The following ANKRD30A variants were observed in gnomAD, a reference collection of about 807,000 sequenced individuals.
ANKRD30A encodes ankyrin repeat domain-containing protein 30A.
In ANKRD30A, 170 loss-of-function variants were observed where a neutral mutation model predicts 166.3. The ratio of observed to expected loss-of-function variants is 1.02; its 90% CI spans 0.90 to 1.16. ANKRD30A has a LOEUF of 1.16. ANKRD30A is among the 50% of genes most tolerant of loss of function. The pLI, the probability that ANKRD30A is intolerant of heterozygous loss-of-function variation, is 0.00. For synonymous variants in ANKRD30A, 564 were observed against 508.9 expected (o/e 1.11, Z -1.46); for missense variants, 1,630 against 1,518.0 (o/e 1.07, Z -1.23).
At position 37,219,429 on chromosome 10, in the gene ANKRD30A, G is replaced by A. The variant is rs1189011142; in HGVS notation, c.3717G>A (p.Val1239=). ...TGCAAAGAAAAATGAATGTTGATGT[G>A]AGTAGTACGATATATAACAATGAGG... ...ACLQRKMNVD[V]SSTIYNNEVL... The change falls in exon 34 of 36, where the codon GTG becomes GTA. Residue 1239 remains valine (V), a synonymous_variant. Coordinates refer to ENST00000361713, the MANE Select transcript of ANKRD30A (RefSeq NM_052997.3). 1.3e-5 allele frequency: 21 copies of A among 1,610,360 alleles called. No individual in the cohort carries two copies. The highest frequency in any genetic ancestry group is 1.7e-5 in the Non-Finnish European group (20 of 1,177,708).
intron 31 of ANKRD30A, among the ~76,000 whole-genome samples, chr10:37,213,313 C>G (rs1842434191): frequency 6.6e-6 from 1 of 151,768 alleles, no homozygotes; most frequent in South Asian, 2.1e-4. Flanking sequence ...TTCCCTGTGT[C>G]TTCACATGGC....
At chr10:37,149,495 G>A (rs533976863) in intron 9 of ANKRD30A, among the ~76,000 whole-genome samples, 156 bp from the exon 10 acceptor site, 1 of 152,120 alleles carries the variant, frequency 6.6e-6, no homozygotes, top group Non-Finnish European at 1.5e-5. Context: ...CCTGTCGTGT[G>A]TGTGTCCTAA....
chr10:37,183,320 T>A (rs1421052716), intron 24 of ANKRD30A, among the ~76,000 whole-genome samples: 1 of 145,016 alleles, frequency 6.9e-6, no homozygotes, highest in Admixed American at 7.0e-5. Flanking sequence ...ATAGGAGAAA[T>A]AGGAAAAACA....
the ANKRD30A span, among the ~76,000 whole-genome samples, chr10:37,259,878 G>A: frequency 6.6e-6 from 1 of 152,170 alleles, no homozygotes; most frequent in Admixed American, 6.5e-5. Flanking sequence ...CTATTTCCCA[G>A]TGCAGGTGTG....
intron 34 of ANKRD30A, among the ~76,000 whole-genome samples, chr10:37,220,747 A>G (rs558152037): frequency 6.6e-6 from 1 of 151,286 alleles, no homozygotes; most frequent in African/African-American, 2.4e-5. Flanking sequence ...TTAGCTTTGC[A>G]TTGGGTCCCC....
intron 1 of ANKRD30A, among the ~76,000 whole-genome samples, chr10:37,127,085 ATCACAAATTGTTCGCTAACAGCTG>A (rs1836081734): frequency 7.5e-6 from 1 of 134,156 alleles, no homozygotes; most frequent in African/African-American, 2.8e-5. Context: ...AAAAAAAAAA[ATCACAAATTGTTCGCTAACAGCTG>A]AAAAGACAGG....
chr10:37,167,298 A>ATG (rs1316482741), intron 19 of ANKRD30A, among the ~76,000 whole-genome samples: 1 of 142,576 alleles, frequency 7.0e-6, no homozygotes, highest in Non-Finnish European at 1.5e-5. Flanking sequence ...ATATATATAT[A>ATG]TATAGATGTG....
intron 9 of ANKRD30A, among the ~76,000 whole-genome samples, chr10:37,149,379 A>T (rs773494265): frequency 1.4e-4 from 22 of 152,110 alleles, no homozygotes; most frequent in Non-Finnish European, 2.5e-4. Flanking sequence ...CAGCTTTGAC[A>T]TTTATTTTCT....
At chr10:37,239,678 G>T in the ANKRD30A span, among the ~76,000 whole-genome samples, 1 of 152,066 alleles carries the variant, frequency 6.6e-6, no homozygotes, top group African/African-American at 2.4e-5. Flanking sequence ...AGTAGTAAGA[G>T]AAAAACTCAT....
In ANKRD30A at chr10:37,141,583, A is replaced by G. The variant is rs1837117714; in HGVS notation, c.821-135A>G. The G allele has an allele frequency of 3.9e-6, 5 of 1,285,696 alleles. No homozygotes were observed. The South Asian group carries it at 7.8e-5, about 20-fold the overall frequency. The allele number at this position is 1,285,696 out of a possible 1,614,324, so 79.6% of individuals were successfully genotyped here. A position where few individuals can be genotyped will look rare whatever the true frequency, so the allele number is the denominator to read the frequency against. ...GTGAGACTCTGTCTCAAAAAAAAAA[A>G]AAAAAAAAAAGAGAAAAGAAAAGTT... On this transcript the variant is annotated intron_variant, in intron 6 of 35. Coordinates refer to ENST00000361713, the MANE Select transcript of ANKRD30A (RefSeq NM_052997.3).
rs535404363 is a variant in ANKRD30A at position 37,164,427 on chromosome 10, G to A, written c.2003-667G>A. 9.3e-3 allele frequency among the ~76,000 whole-genome samples: 1,406 copies of A among 151,578 alleles called. 74 individuals are homozygous for A. The highest frequency in any genetic ancestry group is 0.072 in the Admixed American group (1,093 of 15,166). On this transcript the variant is annotated intron_variant, in intron 17 of 35. Transcript: ENST00000361713. ...CTATACATTTCTGATGTTTCTCCAA[G>A]GTGTCACAAGCTGACTCTGAAGATA...
chr10:37,153,726 A>C (rs970279455), intron 13 of ANKRD30A, 64 bp downstream of exon 13: 5 of 1,588,932 alleles, frequency 3.1e-6, no homozygotes, highest in African/African-American at 2.7e-5. Flanking sequence ...ATGAGGAGGG[A>C]TATCCTCTAG....
chr10:37,214,058 T>A (rs2132727499), intron 31 of ANKRD30A, among the ~76,000 whole-genome samples: 1 of 151,796 alleles, frequency 6.6e-6, no homozygotes, highest in South Asian at 2.1e-4. Context: ...TGCAGTTCTA[T>A]CTTTGTATCA....
chr10:37,221,012 G>C (rs1400849715), intron 34 of ANKRD30A, among the ~76,000 whole-genome samples: 2 of 149,828 alleles, frequency 1.3e-5, no homozygotes, highest in African/African-American at 4.9e-5. Context: ...GCATTCCACT[G>C]TGTAGAATTT....
At chr10:37,202,097 A>T (rs1564562665) in intron 31 of ANKRD30A, among the ~76,000 whole-genome samples, 1 of 152,174 alleles carries the variant, frequency 6.6e-6, no homozygotes, top group East Asian at 1.9e-4. Flanking sequence ...TTGTGGGAAA[A>T]ATGTGGAAGA....
At chr10:37,134,175 G>A (rs1308116290) in intron 5 of ANKRD30A, 122 bp downstream of exon 5, 20 of 1,149,570 alleles carry the variant, frequency 1.7e-5, no homozygotes, top group Non-Finnish European at 2.2e-5. Flanking sequence ...GTTAGAAGGA[G>A]TATTGGGTCC....
At chr10:37,167,550 A>C (rs1039998861) in intron 19 of ANKRD30A, among the ~76,000 whole-genome samples, 1 of 151,744 alleles carries the variant, frequency 6.6e-6, no homozygotes, top group Non-Finnish European at 1.5e-5. Flanking sequence ...TAACATAGAA[A>C]ATGTTATTAA....
intron 25 of ANKRD30A, among the ~76,000 whole-genome samples, chr10:37,192,443 C>G (rs1440649460): frequency 6.6e-6 from 1 of 151,928 alleles, no homozygotes; most frequent in Non-Finnish European, 1.5e-5. Context: ...TGTGAAAATA[C>G]TCGTATTTCT....
chr10:37,149,557 C>T lies in ANKRD30A; in HGVS notation c.1544-94C>T, dbSNP rs985553767. 13 of 1,440,014 alleles carry T rather than the reference C, an allele frequency of 9.0e-6. No homozygotes were observed. The Admixed American group carries it at 9.6e-5, about 11-fold the overall frequency. 89.2% of individuals were successfully genotyped at this position (1,440,014 alleles called of 1,614,324 possible). A position where few individuals can be genotyped will look rare whatever the true frequency, so the allele number is the denominator to read the frequency against. ...CTAAAGTATTCGTTCTCAAAGTCGA[C>T]CAAGAGGAATCAGTTACATACTATG... On this transcript the variant is annotated intron_variant, in intron 9 of 35. Transcript: ENST00000361713.
Sources: gnomAD v4.1 joint callset for allele counts (sites outside exome capture counted in the v4.1 genomes callset) on GRCh38, gnomAD v4.1.1 for gene constraint, MANE v1.5 for transcripts, NCBI Gene and HGNC (gene_info 2026-07-23, HGNC 2026-07-21) for gene names.